The following LINGO2 variants were observed in gnomAD, a reference collection of about 807,000 sequenced individuals.
LINGO2 encodes leucine rich repeat and Ig domain containing 2, also known as leucine-rich repeat and immunoglobulin-like domain-containing nogo receptor-interacting protein 2.
LINGO2 carries 14 observed loss-of-function variants against 30.6 expected under a neutral mutation model. The observed-to-expected ratio is 0.46, with a 90% CI of 0.30 to 0.72. The LOEUF is 0.72. Among genes scored for constraint, LINGO2 ranks in the 30% least tolerant of loss-of-function variants. The pLI is 0.07. For missense variants in LINGO2, 729 were observed against 751.7 expected (o/e 0.97, Z 0.35); for synonymous variants, 317 against 288.5 (o/e 1.10, Z -1.00).
chr9:28,013,396 T>C (rs1014205009), intron 4 of LINGO2, among the ~76,000 whole-genome samples: 1 of 152,208 alleles, frequency 6.6e-6, no homozygotes, highest in African/African-American at 2.4e-5. Context: ...GGAATCTGCT[T>C]ATCTGCTGTA....
chr9:28,479,436 G>C (rs1048164058), intron 1 of LINGO2, among the ~76,000 whole-genome samples: 31 of 151,918 alleles, frequency 2.0e-4, no homozygotes, highest in African/African-American at 7.2e-4. Flanking sequence ...CAAAAGCACA[G>C]GAAATGTCAT....
chr9:28,688,138 T>C, the LINGO2 span, among the ~76,000 whole-genome samples: 1 of 152,292 alleles, frequency 6.6e-6, no homozygotes, highest in Non-Finnish European at 1.5e-5. Context: ...CATACAGAGT[T>C]GCTGCAGGCT....
chr9:28,199,782 G>A (rs34537282), intron 4 of LINGO2, among the ~76,000 whole-genome samples: 12,214 of 151,982 alleles, frequency 0.08, 681 homozygotes, highest in Middle Eastern at 0.15. Context: ...CAATAATTAA[G>A]AGAAGTAGTA....
At position 28,147,708 on chromosome 9, in the gene LINGO2, C is replaced by T. The variant is rs1827855225; in HGVS notation, c.-86-135303G>A. ...CCAACAGCCCCACGGGGGGGCCCGT[C>T]CAGGGCCACACAACTGCCCCCAGGA... On this transcript the variant is annotated intron_variant, in intron 4 of 5. Transcript: ENST00000379992. This position sits in a 1 kb window ranked among gnomAD's most constrained non-coding sequence, Gnocchi z 4.7. Among the ~76,000 whole-genome samples, 3 of 152,300 alleles carry T rather than the reference C, an allele frequency of 2.0e-5. No individual in the cohort carries two copies. In the South Asian group the frequency reaches 6.2e-4, roughly 32 times the overall value.
At chr9:27,964,590 C>G (rs1820006363) in intron 5 of LINGO2, among the ~76,000 whole-genome samples, 1 of 152,058 alleles carries the variant, frequency 6.6e-6, no homozygotes, top group Admixed American at 6.6e-5. Context: ...CAGACAGCAT[C>G]TTTATTCTTT....
At chr9:28,048,108 G>A (rs1350493330) in intron 4 of LINGO2, among the ~76,000 whole-genome samples, 2 of 150,712 alleles carry the variant, frequency 1.3e-5, no homozygotes, top group African/African-American at 2.5e-5. Context: ...AGAAGGGGTA[G>A]GAAAATTAGA....
At chr9:28,004,543 T>C (rs764171415) in intron 5 of LINGO2, among the ~76,000 whole-genome samples, 1 of 152,230 alleles carries the variant, frequency 6.6e-6, no homozygotes, top group African/African-American at 2.4e-5. Context: ...AGTGTATTTA[T>C]CAATTAACTG....
At chr9:28,437,171 G>A (rs1015025969) in intron 2 of LINGO2, among the ~76,000 whole-genome samples, 5 of 152,200 alleles carry the variant, frequency 3.3e-5, no homozygotes, top group Admixed American at 6.5e-5. Context: ...TAGTGGTCAC[G>A]ATCCTGGGCT....
chr9:28,237,111 A>C (rs1821595691), intron 4 of LINGO2, among the ~76,000 whole-genome samples: 2 of 61,964 alleles, frequency 3.2e-5, no homozygotes, highest in Non-Finnish European at 3.2e-5. Flanking sequence ...AAATAGTTAA[A>C]CAGTGCGGGG....
At chr9:28,894,098 T>C in the LINGO2 span, among the ~76,000 whole-genome samples, 1 of 152,170 alleles carries the variant, frequency 6.6e-6, no homozygotes, top group East Asian at 1.9e-4. Context: ...CTTTTATGGT[T>C]GCATAGTATT....
At position 28,046,925 on chromosome 9, in the gene LINGO2, G is replaced by A. The variant is rs531286123; in HGVS notation, c.-86-34520C>T. On this transcript the variant is annotated intron_variant, in intron 4 of 5. Transcript: ENST00000379992. The stretch of plus-strand genomic sequence containing the variant: ...TTTAAAGAAATTGTTGTGGAAACGC[G>A]TTCTGGGTATGTGATTTGAGAAGTT... Among the ~76,000 whole-genome samples, 115 of 152,216 alleles carry A rather than the reference G, an allele frequency of 7.6e-4. 2 individuals carry two copies. Among genetic ancestry groups the A allele is most frequent in the African/African-American group, 2.5e-3 (102 of 41,530 alleles).
chr9:28,437,620 ATC>A (rs1824007396), intron 2 of LINGO2, among the ~76,000 whole-genome samples: 1 of 151,556 alleles, frequency 6.6e-6, no homozygotes, highest in Non-Finnish European at 1.5e-5. Flanking sequence ...GATCACTTCT[ATC>A]TCTCTGGAAA....
At chr9:28,596,901 A>C (rs1418914718) in intron 1 of LINGO2, among the ~76,000 whole-genome samples, 2 of 152,154 alleles carry the variant, frequency 1.3e-5, no homozygotes, top group Non-Finnish European at 2.9e-5. Context: ...GGCACCCGGT[A>C]AACAAGCCAG....
intron 1 of LINGO2, among the ~76,000 whole-genome samples, chr9:28,615,114 T>G (rs748184609): frequency 1.3e-5 from 2 of 152,098 alleles, no homozygotes; most frequent in Non-Finnish European, 2.9e-5. Flanking sequence ...TGCCTGCTCA[T>G]GGAAGACAAA....
rs117181602 is a variant in LINGO2 at position 28,446,656 on chromosome 9, C to T, written c.-279+29284G>A. Among the ~76,000 whole-genome samples, 40 of 152,310 alleles carry T rather than the reference C, an allele frequency of 2.6e-4. No individual in the cohort carries two copies. The East Asian group carries it at 7.5e-3, about 29-fold the overall frequency. On this transcript the variant is annotated intron_variant, in intron 2 of 5. Transcript: ENST00000379992. ...AAGCACTGTTATTTTTCTCCCTCAC[C>T]TCTGCAAAAGCCTTCAAACTGGTTT...
intron 2 of LINGO2, among the ~76,000 whole-genome samples, chr9:28,388,896 TTCTCTC>T (rs34568011): frequency 6.6e-6 from 1 of 150,860 alleles, no homozygotes; most frequent in African/African-American, 2.4e-5. Context: ...CTTTCTCTCT[TTCTCTC>T]TCTCTCTCTC....
chr9:29,008,780 T>C, the LINGO2 span, among the ~76,000 whole-genome samples: 2 of 151,982 alleles, frequency 1.3e-5, no homozygotes, highest in Non-Finnish European at 2.9e-5. Context: ...GGTTGTTTGA[T>C]TTTTTTCTTG....
the LINGO2 span, among the ~76,000 whole-genome samples, chr9:29,110,584 G>A: frequency 4.6e-5 from 7 of 151,098 alleles, no homozygotes; most frequent in East Asian, 2.0e-4. Flanking sequence ...CGCCCGCCTC[G>A]GGGCCTCCCA....
the LINGO2 span, among the ~76,000 whole-genome samples, chr9:29,208,736 C>T: frequency 6.6e-6 from 1 of 152,150 alleles, no homozygotes; most frequent in African/African-American, 2.4e-5. Context: ...TCCCATTGTA[C>T]AGAAATCAAC....
Sources: allele counts gnomAD v4.1 joint callset (sites outside exome capture counted in the v4.1 genomes callset), GRCh38; gene constraint gnomAD v4.1.1; non-coding constraint Gnocchi (gnomAD v3.1); transcripts MANE v1.5; gene names NCBI Gene and HGNC (gene_info 2026-07-23, HGNC 2026-07-21).